The following THEMIS variants were observed in gnomAD, a reference collection of about 807,000 sequenced individuals.
THEMIS encodes protein THEMIS.
A neutral mutation model predicts 52.6 loss-of-function variants in THEMIS; 37 were observed. The observed-to-expected ratio is 0.70, with a 90% CI of 0.54 to 0.93. THEMIS has a LOEUF of 0.93. THEMIS is among the 40% of genes least tolerant of loss of function. The pLI, the probability that THEMIS is intolerant of heterozygous loss-of-function variation, is 0.00. For synonymous variants in THEMIS, 292 were observed against 272.7 expected, an observed-to-expected ratio of 1.07 and a Z score of -0.70; for missense variants, 808 against 763.1, an observed-to-expected ratio of 1.06 and a Z score of -0.69.
chr6:127,858,017 G>A (rs1390401254), intron 1 of THEMIS, among the ~76,000 whole-genome samples: 2 of 152,060 alleles, frequency 1.3e-5, no homozygotes, highest in Non-Finnish European at 2.9e-5. Context: ...GCTGAAGTCT[G>A]TTGGGCTTAA....
intron 1 of THEMIS, among the ~76,000 whole-genome samples, chr6:127,861,440 A>G (rs1247561402): frequency 6.6e-6 from 1 of 152,112 alleles, no homozygotes; most frequent in East Asian, 1.9e-4. Context: ...CTTTGTTAGC[A>G]TTAATTAAAC....
chr6:127,761,791 G>T (rs552416639), intron 4 of THEMIS, among the ~76,000 whole-genome samples: 1 of 152,172 alleles, frequency 6.6e-6, no homozygotes, highest in Admixed American at 6.6e-5. Context: ...TATCCTGGGA[G>T]ATTACAAGAA....
chr6:127,873,057 T>C (rs2114391364), intron 1 of THEMIS, among the ~76,000 whole-genome samples: 1 of 152,300 alleles, frequency 6.6e-6, no homozygotes, highest in South Asian at 2.1e-4. Flanking sequence ...GCTCAAAAAA[T>C]GAAATACTTA....
At chr6:127,815,590 G>GA (rs1011088893) in intron 3 of THEMIS, among the ~76,000 whole-genome samples, 18 of 151,598 alleles carry the variant, frequency 1.2e-4, no homozygotes, top group Non-Finnish European at 2.1e-4. Flanking sequence ...TTAATTTTTA[G>GA]AAAAAAAAGG....
chr6:127,843,016 T>C (rs1468995856), intron 2 of THEMIS, among the ~76,000 whole-genome samples: 1 of 151,994 alleles, frequency 6.6e-6, no homozygotes, highest in African/African-American at 2.4e-5. Flanking sequence ...TGAAATCCTT[T>C]TATCTGGTAG....
At chr6:127,790,337 A>G (rs1318646555) in intron 4 of THEMIS, among the ~76,000 whole-genome samples, 1 of 152,220 alleles carries the variant, frequency 6.6e-6, no homozygotes, top group Non-Finnish European at 1.5e-5. Flanking sequence ...TCAGCAACAC[A>G]ATTGTTGAAT....
chr6:127,764,267 T>C (rs1238801973), intron 4 of THEMIS, among the ~76,000 whole-genome samples: 1 of 151,978 alleles, frequency 6.6e-6, no homozygotes, highest in African/African-American at 2.4e-5. Flanking sequence ...TCCACAGTCA[T>C]TTGCCAAAAT....
chr6:127,793,979 A>C (rs1002675816), intron 4 of THEMIS, among the ~76,000 whole-genome samples: 2 of 152,168 alleles, frequency 1.3e-5, no homozygotes, highest in Non-Finnish European at 1.5e-5. Context: ...ATTTTCCCCC[A>C]AAAAAGCATC....
intron 1 of THEMIS, among the ~76,000 whole-genome samples, chr6:127,899,974 A>C (rs1364525135): frequency 6.7e-6 from 1 of 149,910 alleles, no homozygotes; most frequent in Admixed American, 6.7e-5. Flanking sequence ...TTTACTTTGC[A>C]ACATAATATG....
intron 1 of THEMIS, among the ~76,000 whole-genome samples, chr6:127,892,863 T>C (rs1562325615): frequency 6.6e-6 from 1 of 152,170 alleles, no homozygotes; most frequent in African/African-American, 2.4e-5. Flanking sequence ...AGAGAAATAA[T>C]GATTTATTGT....
At chr6:127,826,100 T>C (rs960521212) in intron 3 of THEMIS, among the ~76,000 whole-genome samples, 15 of 152,282 alleles carry the variant, frequency 9.9e-5, no homozygotes, top group African/African-American at 3.6e-4. Context: ...TATCTTAAAG[T>C]TGATGACTTG....
At chr6:127,811,510 A>C (rs1359569323) in intron 4 of THEMIS, among the ~76,000 whole-genome samples, 1 of 152,208 alleles carries the variant, frequency 6.6e-6, no homozygotes, top group East Asian at 1.9e-4. Context: ...TCTTGTGATT[A>C]AATTGGACCC....
rs529299162 is a variant in THEMIS at position 127,858,196 on chromosome 6, G to T, written c.92-3008C>A. ...TAGAAGCCAGAGAATTCTATAAAAAGAAATTTCATGAGTCTTGGTCACCAC... is the reference window on the plus strand; with the variant it reads ...TAGAAGCCAGAGAATTCTATAAAAATAAATTTCATGAGTCTTGGTCACCAC... On this transcript the variant is annotated intron_variant, in intron 1 of 5. Coordinates refer to ENST00000368248, the MANE Select transcript of THEMIS (RefSeq NM_001010923.3). Among the ~76,000 whole-genome samples the T allele has an allele frequency of 4.6e-5, 7 of 152,092 alleles. No individual in the cohort carries two copies. The East Asian group carries it at 7.8e-4, about 17-fold the overall frequency.
downstream of THEMIS, among the ~76,000 whole-genome samples, chr6:127,705,485 C>T (rs117139596): frequency 0.028 from 4,266 of 152,294 alleles, 82 homozygotes; most frequent in Non-Finnish European, 0.039. Context: ...GTTTGGCCCT[C>T]TCCCTGATAA....
At chr6:127,701,495 A>G in the THEMIS span, among the ~76,000 whole-genome samples, 2 of 152,124 alleles carry the variant, frequency 1.3e-5, no homozygotes, top group African/African-American at 4.8e-5. Context: ...GTTATTAGGA[A>G]CATCATTGTA....
chr6:127,894,055 A>G (rs894241358), intron 1 of THEMIS, among the ~76,000 whole-genome samples: 4 of 152,128 alleles, frequency 2.6e-5, no homozygotes, highest in African/African-American at 7.2e-5. Flanking sequence ...CCTCAAAAAA[A>G]TTTTGATGAA....
chr6:127,851,102 G>T (rs1004775755), intron 2 of THEMIS, among the ~76,000 whole-genome samples: 9 of 151,362 alleles, frequency 5.9e-5, no homozygotes, highest in Admixed American at 5.3e-4. Flanking sequence ...ACATTCAGGG[G>T]CAGAGGAAAA....
chr6:127,865,608 T>G (rs1779949611), intron 1 of THEMIS, among the ~76,000 whole-genome samples: 1 of 152,136 alleles, frequency 6.6e-6, no homozygotes, highest in Non-Finnish European at 1.5e-5. Flanking sequence ...TGTAGAAAAT[T>G]AATAGAAATG....
At chr6:127,894,048 C>A (rs1449897663) in intron 1 of THEMIS, among the ~76,000 whole-genome samples, 1 of 151,472 alleles carries the variant, frequency 6.6e-6, no homozygotes, top group Non-Finnish European at 1.5e-5. Flanking sequence ...AACTGAACCT[C>A]AAAAAAATTT....
Sources: allele counts gnomAD v4.1 joint callset (sites outside exome capture counted in the v4.1 genomes callset), GRCh38; gene constraint gnomAD v4.1.1; transcripts MANE v1.5; gene names NCBI Gene and HGNC (gene_info 2026-07-23, HGNC 2026-07-21).